Variants in PHF14 observed in about 807,000 individuals in gnomAD.
PHF14 encodes the protein PHD finger protein 14.
In PHF14, 55 loss-of-function variants were observed where a neutral mutation model predicts 117.9. The ratio of observed to expected loss-of-function variants is 0.47; its 90% CI spans 0.38 to 0.58. The LOEUF (loss-of-function observed/expected upper bound fraction) is 0.58. Among genes scored for constraint, PHF14 ranks in the 20% least tolerant of loss-of-function variants. The pLI is 0.00. For missense variants in PHF14, 978 were observed against 1,122.2 expected (o/e 0.87, Z 1.84); for synonymous variants, 409 against 368.6 (o/e 1.11, Z -1.26).
chr7:10,978,652 G>C (rs1441111120), intron 2 of PHF14, among the ~76,000 whole-genome samples: 1 of 152,084 alleles, frequency 6.6e-6, no homozygotes, highest in African/African-American at 2.4e-5. Flanking sequence ...TTTTGTTGTG[G>C]AGGCTTGTCC....
At chr7:10,982,324 GTA>G in intron 2 of PHF14, 46 bp from the exon 3 acceptor site, 2 of 1,201,222 alleles carry the variant, frequency 1.7e-6, no homozygotes, top group Non-Finnish European at 1.2e-6. Context: ...GTGTGTGTGT[GTA>G]TGTATATACA....
chr7:11,060,321 G>C (rs1262781127), intron 14 of PHF14, among the ~76,000 whole-genome samples: 1 of 152,116 alleles, frequency 6.6e-6, no homozygotes, highest in African/African-American at 2.4e-5. Flanking sequence ...GGTGTAGAAA[G>C]ATGAATATGA....
intron 14 of PHF14, among the ~76,000 whole-genome samples, chr7:11,054,731 C>T (rs1311378573): frequency 6.6e-6 from 1 of 152,086 alleles, no homozygotes; most frequent in Non-Finnish European, 1.5e-5. Flanking sequence ...TAATTTTTCT[C>T]TCCCATTGTT....
chr7:11,013,624 C>T, intron 4 of PHF14, 123 bp from the exon 5 acceptor site: 1 of 534,178 alleles, frequency 1.9e-6, no homozygotes, highest in Non-Finnish European at 3.3e-6. Flanking sequence ...TAATACGTTT[C>T]TTATAAACCA....
intron 1 of PHF14, 130 bp from the exon 2 acceptor site, chr7:10,974,705 C>G (rs1781802801): frequency 1.6e-6 from 1 of 623,176 alleles, no homozygotes; most frequent in South Asian, 2.0e-5. Context: ...TTCTCCTGAC[C>G]CCTTTTGCTG....
At chr7:11,057,327 A>G (rs942556440) in intron 14 of PHF14, among the ~76,000 whole-genome samples, 1 of 152,192 alleles carries the variant, frequency 6.6e-6, no homozygotes, top group African/African-American at 2.4e-5. Flanking sequence ...AAAGTTAGAG[A>G]AATGTTTAAT....
intron 17 of PHF14, among the ~76,000 whole-genome samples, chr7:11,166,941 C>A (rs79879397): frequency 0.028 from 4,327 of 152,178 alleles, 132 homozygotes; most frequent in East Asian, 0.11. Context: ...AACAAAAAGA[C>A]AAACATTATA....
chr7:11,033,598 C>T (rs3779409), intron 7 of PHF14, among the ~76,000 whole-genome samples: 1,933 of 152,242 alleles, frequency 0.013, 45 homozygotes, highest in East Asian at 0.1. Context: ...GGGTCTAGTA[C>T]TAATGGGAAG....
intron 13 of PHF14, 31 bp from the exon 14 acceptor site, chr7:11,051,581 T>G: frequency 1.3e-6 from 2 of 1,575,446 alleles, no homozygotes. Context: ...TAATAATAAA[T>G]GCATGACTTA....
Position 11,035,782 on chromosome 7 carries a change from C to T in PHF14, c.1598C>T (p.Ala533Val). 6.3e-7 allele frequency: 1 copy of T among 1,598,940 alleles called. No individual in the cohort carries two copies. The highest frequency in any genetic ancestry group is 8.5e-7 in the Non-Finnish European group (1 of 1,171,804). ...QEREKQLSPE[A>V]QARINARLQQ... Reference sequence around the variant, plus strand: ...AGAGAGAAGCAACTATCACCAGAAGCACAGGTATGGGATTCATGTCAAAAC... The same window carrying T: ...AGAGAGAAGCAACTATCACCAGAAGTACAGGTATGGGATTCATGTCAAAAC... Residue 533 changes from alanine to valine, a missense_variant, in exon 8 of 18, where the codon GCA becomes GTA. Around this residue, in one of 7 missense-constraint regions of PHF14, gnomAD observed 237 missense variants for 276.4 expected, o/e 0.86. Transcript: ENST00000634607.
At chr7:11,137,565 A>G (rs1342747439) in intron 17 of PHF14, among the ~76,000 whole-genome samples, 1 of 143,772 alleles carries the variant, frequency 7.0e-6, no homozygotes, top group East Asian at 2.0e-4. Context: ...AACATTAATC[A>G]CTTTTACATT....
chr7:11,105,027 TTTAG>T, intron 16 of PHF14: 1 of 898,654 alleles, frequency 1.1e-6, no homozygotes, highest in Admixed American at 6.2e-5. Flanking sequence ...TTTTATAAAA[TTTAG>T]TTAAATGTTT....
intron 17 of PHF14, among the ~76,000 whole-genome samples, chr7:11,119,407 G>T (rs909615075): frequency 6.6e-6 from 1 of 151,598 alleles, no homozygotes; most frequent in Non-Finnish European, 1.5e-5. Context: ...ATCATAGATC[G>T]TACTGTTATA....
intron 2 of PHF14, among the ~76,000 whole-genome samples, chr7:10,976,210 G>A (rs563691148): frequency 2.6e-5 from 4 of 152,090 alleles, no homozygotes; most frequent in Non-Finnish European, 5.9e-5. Context: ...GAATTCATCC[G>A]CAGCAATCAA....
At chr7:11,092,281 G>T (rs971365091) in intron 16 of PHF14, among the ~76,000 whole-genome samples, 3 of 152,062 alleles carry the variant, frequency 2.0e-5, no homozygotes, top group Admixed American at 1.3e-4. Context: ...TAAACATTAG[G>T]GTGCATTTGA....
At chr7:11,044,731 T>C (rs1053908422) in intron 13 of PHF14, among the ~76,000 whole-genome samples, 9 of 152,224 alleles carry the variant, frequency 5.9e-5, no homozygotes, top group Non-Finnish European at 8.8e-5. Flanking sequence ...CACATTTTAC[T>C]ATTATCTATG....
chr7:11,144,599 A>G (rs1248308404), intron 17 of PHF14, among the ~76,000 whole-genome samples: 1 of 148,356 alleles, frequency 6.7e-6, no homozygotes, highest in Non-Finnish European at 1.5e-5. Context: ...AATGTAATAT[A>G]TTTATATAAT....
intron 17 of PHF14, among the ~76,000 whole-genome samples, chr7:11,152,930 G>A (rs1788741809): frequency 6.6e-6 from 1 of 152,180 alleles, no homozygotes; most frequent in African/African-American, 2.4e-5. Flanking sequence ...TTGGAGCCAG[G>A]TGAGGAAACT....
At chr7:11,024,666 G>C (rs1783850390) in intron 6 of PHF14, among the ~76,000 whole-genome samples, 1 of 152,198 alleles carries the variant, frequency 6.6e-6, no homozygotes, top group African/African-American at 2.4e-5. Context: ...CAGCACATCT[G>C]TGTACCGCAT....
Sources: gnomAD v4.1 joint callset for allele counts (sites outside exome capture counted in the v4.1 genomes callset) on GRCh38, gnomAD v4.1.1 for gene constraint, gnomAD v4.1.1 regional missense constraint, MANE v1.5 for transcripts, NCBI Gene and HGNC (gene_info 2026-07-23, HGNC 2026-07-21) for gene names.